Variants in LRRC8B observed in about 807,000 individuals in gnomAD.
The protein encoded by LRRC8B is volume-regulated anion channel subunit LRRC8B.
LRRC8B carries 23 observed loss-of-function variants against 58.8 expected under a neutral mutation model. The observed-to-expected ratio is 0.39, with a 90% CI of 0.28 to 0.55. The LOEUF (loss-of-function observed/expected upper bound fraction) is 0.55, where lower values mean the gene tolerates loss of function less well. Among genes scored for constraint, LRRC8B ranks in the 20% least tolerant of loss-of-function variants. The probability of loss-of-function intolerance (pLI) is 0.62; values close to 1 mark genes in which losing one functional copy is unlikely to be tolerated. For synonymous variants in LRRC8B, 359 were observed against 374.1 expected (o/e 0.96, Z 0.47); for missense variants, 694 against 936.0 (o/e 0.74, Z 3.37).
rs1655239159 is a variant in LRRC8B at position 89,595,523 on chromosome 1, C to T, written c.*2480C>T. The T allele has an allele frequency of 6.6e-6, 1 of 152,122 alleles. No individual in the cohort carries two copies. The allele number at this position is 152,122 out of a possible 1,614,324, so 9.4% of individuals were successfully genotyped here. A position where few individuals can be genotyped will look rare whatever the true frequency, so the allele number is the denominator to read the frequency against. On this transcript the variant is annotated 3_prime_UTR_variant, in exon 6 of 6. Transcript: ENST00000330947. ...CTGCAGAAGTCATTGGCTAAATTTTCCTTATCACCTACGTAAATTTCTAGA... is the reference window on the plus strand; with the variant it reads ...CTGCAGAAGTCATTGGCTAAATTTTTCTTATCACCTACGTAAATTTCTAGA...
chr1:89,572,095 T>A (rs967484084), intron 3 of LRRC8B, among the ~76,000 whole-genome samples: 4 of 152,202 alleles, frequency 2.6e-5, no homozygotes, highest in African/African-American at 9.6e-5. Context: ...TTCCTATGCT[T>A]ATGAAGCTTC....
chr1:89,578,601 C>T (rs958851061), intron 3 of LRRC8B, among the ~76,000 whole-genome samples: 2 of 152,040 alleles, frequency 1.3e-5, no homozygotes, highest in Admixed American at 1.3e-4. Flanking sequence ...TTTGGACATG[C>T]CCAAATTTTT....
chr1:89,528,692 C>T (rs996436810), intron 1 of LRRC8B, among the ~76,000 whole-genome samples: 20 of 152,212 alleles, frequency 1.3e-4, no homozygotes, highest in African/African-American at 4.8e-4. Flanking sequence ...GTTCTACAGT[C>T]TTCTGAGAAC....
At chr1:89,530,321 T>C (rs1019746495) in intron 1 of LRRC8B, among the ~76,000 whole-genome samples, 2 of 151,550 alleles carry the variant, frequency 1.3e-5, no homozygotes, top group African/African-American at 4.8e-5. Context: ...ATTGTGCCAC[T>C]GCACTCCAGC....
At chr1:89,561,381 CTTTAG>C (rs1652641054) in intron 1 of LRRC8B, among the ~76,000 whole-genome samples, 1 of 132,480 alleles carries the variant, frequency 7.5e-6, no homozygotes, top group East Asian at 2.1e-4. Context: ...TGCAGAAGCT[CTTTAG>C]TTTAATTAGA....
intron 1 of LRRC8B, among the ~76,000 whole-genome samples, chr1:89,528,980 GAC>G (rs774899418): frequency 2.1e-4 from 32 of 152,180 alleles, no homozygotes; most frequent in Middle Eastern, 6.8e-3. Context: ...CCTTATTCCA[GAC>G]AGTCTTATTC....
intron 1 of LRRC8B, among the ~76,000 whole-genome samples, chr1:89,566,714 C>T (rs1229028427): frequency 1.3e-5 from 2 of 152,228 alleles, no homozygotes; most frequent in East Asian, 3.8e-4. Flanking sequence ...AATCCACCAT[C>T]TCTCCTGACA....
Position 89,543,738 on chromosome 1 carries a change from C to T in LRRC8B, c.-241+18716C>T, listed in dbSNP as rs188951260. On this transcript the variant is annotated intron_variant, in intron 1 of 5. Coordinates refer to ENST00000330947, the MANE Select transcript of LRRC8B (RefSeq NM_001369817.2). ...CTCAAACTCCTGACCTCAGATGATCCACCCACCTTGGCCTCCCAAAGTGCT... is the reference window on the plus strand; with the variant it reads ...CTCAAACTCCTGACCTCAGATGATCTACCCACCTTGGCCTCCCAAAGTGCT... Among the ~76,000 whole-genome samples the T allele has an allele frequency of 3.8e-4, 57 of 151,880 alleles. No homozygotes were observed. The East Asian group carries it at 9.9e-3, about 26-fold the overall frequency.
At chr1:89,557,953 T>C (rs1164288558) in intron 1 of LRRC8B, among the ~76,000 whole-genome samples, 2 of 152,010 alleles carry the variant, frequency 1.3e-5, no homozygotes, top group Non-Finnish European at 2.9e-5. Context: ...GACCAGTAAG[T>C]CAAGAAAACT....
At chr1:89,566,586 G>T (rs1037020034) in intron 1 of LRRC8B, among the ~76,000 whole-genome samples, 1 of 152,150 alleles carries the variant, frequency 6.6e-6, no homozygotes, top group Non-Finnish European at 1.5e-5. Flanking sequence ...TATCTTGCTA[G>T]ATCTTTCCTA....
At chr1:89,578,647 A>G (rs552226666) in intron 3 of LRRC8B, among the ~76,000 whole-genome samples, 24 of 152,350 alleles carry the variant, frequency 1.6e-4, no homozygotes, top group Admixed American at 3.3e-4. Context: ...GATTATTGCT[A>G]AAAGTATCTT....
intron 5 of LRRC8B, among the ~76,000 whole-genome samples, chr1:89,591,396 C>T (rs565778073): frequency 6.6e-6 from 1 of 152,232 alleles, no homozygotes; most frequent in Non-Finnish European, 1.5e-5. Flanking sequence ...GCCTCATCTC[C>T]CAATGTAAGT....
intron 4 of LRRC8B, among the ~76,000 whole-genome samples, chr1:89,580,623 A>AT (rs1654152788): frequency 6.6e-6 from 1 of 152,156 alleles, no homozygotes; most frequent in Non-Finnish European, 1.5e-5. Flanking sequence ...ACACACAATT[A>AT]TGTAAGGCAG....
At chr1:89,551,553 T>C (rs547376282) in intron 1 of LRRC8B, among the ~76,000 whole-genome samples, 2 of 152,280 alleles carry the variant, frequency 1.3e-5, no homozygotes, top group East Asian at 3.9e-4. Context: ...AGATAGAAAA[T>C]GAAATATACT....
At chr1:89,564,251 T>C (rs1652880002) in intron 1 of LRRC8B, among the ~76,000 whole-genome samples, 1 of 152,142 alleles carries the variant, frequency 6.6e-6, no homozygotes, top group South Asian at 2.1e-4. Context: ...GCAGCCAGGG[T>C]GGAGGAAGCA....
At chr1:89,545,769 G>T (rs768759921) in intron 1 of LRRC8B, among the ~76,000 whole-genome samples, 3 of 152,172 alleles carry the variant, frequency 2.0e-5, no homozygotes, top group Non-Finnish European at 2.9e-5. Context: ...TCCCAAGAAG[G>T]CATATGACTC....
At position 89,579,577 on chromosome 1, in the gene LRRC8B, A is replaced by G. The variant is rs1434771413; in HGVS notation, c.-124-14A>G. ...TGACTGTAGCTATTTCAAGATATCT[A>G]TGTTTTCTCATAGAATGAAGACAAA... On this transcript the variant is annotated splice_polypyrimidine_tract_variant and intron_variant, in intron 3 of 5. Coordinates refer to ENST00000330947, the MANE Select transcript of LRRC8B (RefSeq NM_001369817.2). 3.3e-5 allele frequency: 5 copies of G among 152,788 alleles called. No homozygotes were observed. The East Asian group carries it at 9.6e-4, about 29-fold the overall frequency. 9.5% of individuals were successfully genotyped at this position (152,788 alleles called of 1,614,324 possible).
intron 1 of LRRC8B, among the ~76,000 whole-genome samples, chr1:89,559,266 G>A (rs1652425130): frequency 2.6e-5 from 4 of 152,060 alleles, no homozygotes; most frequent in Admixed American, 2.6e-4. Flanking sequence ...GAAGCTACAG[G>A]CCCAAGACTG....
Position 89,596,327 on chromosome 1 carries a change from G to T in LRRC8B, c.*3284G>T, listed in dbSNP as rs1655301834. On this transcript the variant is annotated 3_prime_UTR_variant, in exon 6 of 6. Transcript: ENST00000330947. ...CAGTCTTAATTTCTTTCCCCTGTAT[G>T]TCACTGTATTTTATGTCACTTCACA... is the stretch of plus-strand genomic sequence containing the variant. The T allele has an allele frequency of 6.6e-6, 1 of 152,002 alleles. No homozygotes were observed. 9.4% of individuals were successfully genotyped at this position (152,002 alleles called of 1,614,324 possible). A position where few individuals can be genotyped will look rare whatever the true frequency, so the allele number is the denominator to read the frequency against.
Sources: allele counts gnomAD v4.1 joint callset (sites outside exome capture counted in the v4.1 genomes callset), GRCh38; gene constraint gnomAD v4.1.1; transcripts MANE v1.5; gene names NCBI Gene and HGNC (gene_info 2026-07-23, HGNC 2026-07-21).